The following CCSER1 variants were observed in gnomAD, a reference collection of about 807,000 sequenced individuals.
The protein encoded by CCSER1 is coiled-coil serine rich protein 1.
Under a neutral mutation model 82.0 loss-of-function variants are expected in CCSER1, and 41 were observed. That is an observed-to-expected ratio of 0.50 (90% CI 0.39 to 0.65). The LOEUF (loss-of-function observed/expected upper bound fraction) is 0.65. Ranked by LOEUF, CCSER1 falls within the 30% of genes least tolerant of loss-of-function variation. The pLI is 0.00. For synonymous variants in CCSER1, 414 were observed against 383.9 expected (o/e 1.08, Z -0.92); for missense variants, 1,119 against 1,064.2 (o/e 1.05, Z -0.72).
intron 8 of CCSER1, among the ~76,000 whole-genome samples, chr4:90,894,514 A>G (rs1723418096): frequency 6.6e-6 from 1 of 151,830 alleles, no homozygotes; most frequent in Admixed American, 6.6e-5. Context: ...CCCCAAAACA[A>G]CTTGTTTGTT....
intron 10 of CCSER1, among the ~76,000 whole-genome samples, chr4:91,595,904 T>C (rs1422841543): frequency 2.3e-5 from 3 of 128,338 alleles, no homozygotes; most frequent in Admixed American, 9.3e-5. Context: ...CTATGTCCAC[T>C]ATGAGCTTTG....
chr4:90,345,254 G>A (rs1189406817), intron 3 of CCSER1, among the ~76,000 whole-genome samples: 3 of 152,082 alleles, frequency 2.0e-5, no homozygotes, highest in Non-Finnish European at 4.4e-5. Flanking sequence ...CCATGTTACT[G>A]ACAAAGTATT....
chr4:91,512,722 C>G (rs541971240), intron 10 of CCSER1, among the ~76,000 whole-genome samples: 33 of 152,172 alleles, frequency 2.2e-4, no homozygotes, highest in African/African-American at 7.7e-4. Flanking sequence ...ATTTTTATGG[C>G]TATTGTAAAT....
intron 8 of CCSER1, among the ~76,000 whole-genome samples, chr4:90,818,427 G>A (rs941778757): frequency 6.6e-6 from 1 of 151,802 alleles, no homozygotes; most frequent in Non-Finnish European, 1.5e-5. Flanking sequence ...ACAGGCACAC[G>A]CCACAGTGCC....
chr4:90,800,855 A>G (rs914332908), intron 7 of CCSER1, among the ~76,000 whole-genome samples: 9 of 152,200 alleles, frequency 5.9e-5, no homozygotes, highest in Non-Finnish European at 1.0e-4. Flanking sequence ...AGAAAAGTAA[A>G]TACCAATGTT....
intron 1 of CCSER1, among the ~76,000 whole-genome samples, chr4:90,138,817 A>C (rs117431560): frequency 3.3e-5 from 5 of 152,238 alleles, no homozygotes; most frequent in East Asian, 1.9e-4. Context: ...CTCCATGTTC[A>C]CTTTTTAAGA....
intron 10 of CCSER1, among the ~76,000 whole-genome samples, chr4:91,552,385 C>T (rs1762198679): frequency 6.6e-6 from 1 of 151,750 alleles, no homozygotes; most frequent in African/African-American, 2.4e-5. Flanking sequence ...GAATGAGACA[C>T]TGTCTTGAAG....
intron 6 of CCSER1, among the ~76,000 whole-genome samples, chr4:90,668,292 G>A (rs1361503274): frequency 6.6e-6 from 1 of 152,152 alleles, no homozygotes; most frequent in Non-Finnish European, 1.5e-5. Context: ...TCTGTTATTG[G>A]AAAACTGTCT....
chr4:90,839,150 T>C lies in CCSER1; in HGVS notation c.2094+23305T>C, dbSNP rs1424895429. ...TTTTTAATAATGTTTGCATTTCTTC[T>C]ATATTGCTAACTTCTTTGAGAAATA... is the stretch of plus-strand genomic sequence containing the variant. On this transcript the variant is annotated intron_variant, in intron 8 of 10. Coordinates refer to ENST00000509176, the MANE Select transcript of CCSER1 (RefSeq NM_001145065.2). 5.0e-6 allele frequency: 4 copies of C among 798,052 alleles called. No individual in the cohort carries two copies. The East Asian group carries it at 7.3e-5, about 15-fold the overall frequency. The allele number at this position is 798,052 out of a possible 1,614,324, so 49.4% of individuals were successfully genotyped here.
At chr4:90,450,745 A>T (rs1329406556) in intron 4 of CCSER1, among the ~76,000 whole-genome samples, 4 of 152,168 alleles carry the variant, frequency 2.6e-5, no homozygotes, top group Non-Finnish European at 4.4e-5. Flanking sequence ...CTAGAGAGAG[A>T]GAAAGGGAAG....
intron 10 of CCSER1, among the ~76,000 whole-genome samples, chr4:91,338,105 A>T (rs1032242477): frequency 6.6e-6 from 1 of 152,112 alleles, no homozygotes; most frequent in Non-Finnish European, 1.5e-5. Context: ...TTAGGTAGAT[A>T]ATCGTATAAT....
chr4:90,353,915 G>A (rs1159877349), intron 3 of CCSER1, among the ~76,000 whole-genome samples: 1 of 152,150 alleles, frequency 6.6e-6, no homozygotes. Flanking sequence ...ATATGATCCA[G>A]TAATCCCTAC....
intron 5 of CCSER1, among the ~76,000 whole-genome samples, chr4:90,589,275 T>A (rs948393790): frequency 1.3e-5 from 2 of 152,132 alleles, no homozygotes; most frequent in African/African-American, 2.4e-5. Flanking sequence ...TTCTATCACA[T>A]GTTGAAAATT....
chr4:90,308,399 G>C lies in CCSER1; in HGVS notation c.115G>C (p.Val39Leu), dbSNP rs1366957887. 1.2e-6 allele frequency: 2 copies of C among 1,613,628 alleles called. No individual in the cohort carries two copies. Among genetic ancestry groups the C allele is most frequent in the South Asian group, 2.2e-5 (2 of 91,072 alleles). ...TTCTTCACCTTCTTCCAGTAATACA[G>C]TTGGTGTCCACAGTTCCTCTCCTTC... ...LPSSPSSSNT[V>L]GVHSSSPSST... The change falls in exon 2 of 11, where the codon GTT becomes CTT. Residue 39 changes from valine (V) to leucine (L), a missense_variant. Coordinates refer to ENST00000509176, the MANE Select transcript of CCSER1 (RefSeq NM_001145065.2).
At chr4:91,413,067 T>TA (rs1200762455) in intron 10 of CCSER1, among the ~76,000 whole-genome samples, 3 of 151,922 alleles carry the variant, frequency 2.0e-5, no homozygotes, top group Non-Finnish European at 4.4e-5. Context: ...ATCCTGGAGC[T>TA]AAAAAATACA....
chr4:91,509,333 T>C (rs1174541328), intron 10 of CCSER1, among the ~76,000 whole-genome samples: 5 of 152,056 alleles, frequency 3.3e-5, no homozygotes, highest in African/African-American at 1.2e-4. Context: ...TATAATCTCT[T>C]CCACCAATTG....
At chr4:90,688,313 G>C (rs1016279687) in intron 6 of CCSER1, among the ~76,000 whole-genome samples, 6 of 152,142 alleles carry the variant, frequency 3.9e-5, no homozygotes, top group African/African-American at 1.4e-4. Flanking sequence ...GTGTGTGCAC[G>C]TGCATGTGTG....
At chr4:91,213,860 T>C (rs372978549) in intron 10 of CCSER1, among the ~76,000 whole-genome samples, 1 of 152,114 alleles carries the variant, frequency 6.6e-6, no homozygotes, top group African/African-American at 2.4e-5. Flanking sequence ...GACCACGACA[T>C]TGTTGTGGAT....
intron 4 of CCSER1, among the ~76,000 whole-genome samples, chr4:90,406,638 C>A (rs776520248): frequency 6.6e-6 from 1 of 152,010 alleles, no homozygotes; most frequent in Non-Finnish European, 1.5e-5. Context: ...TTAAGGAAAT[C>A]GAAATTATAT....
Sources: gnomAD v4.1 joint callset for allele counts (sites outside exome capture counted in the v4.1 genomes callset) on GRCh38, gnomAD v4.1.1 for gene constraint, MANE v1.5 for transcripts, NCBI Gene and HGNC (gene_info 2026-07-23, HGNC 2026-07-21) for gene names.